The following WDFY2 variants were observed in gnomAD, a reference collection of about 807,000 sequenced individuals.
The protein encoded by WDFY2 is WD repeat and FYVE domain-containing protein 2.
Under a neutral mutation model 56.4 loss-of-function variants are expected in WDFY2, and 36 were observed. The ratio of observed to expected loss-of-function variants is 0.64; its 90% CI spans 0.49 to 0.84. WDFY2 has a LOEUF of 0.84. WDFY2 is among the 40% of genes least tolerant of loss of function. The pLI is 0.00. For missense variants in WDFY2, 444 were observed against 512.2 expected (o/e 0.87, Z 1.29); for synonymous variants, 176 against 183.7 (o/e 0.96, Z 0.34).
chr13:51,745,674 T>C (rs1173760290), intron 7 of WDFY2, among the ~76,000 whole-genome samples: 1 of 151,078 alleles, frequency 6.6e-6, no homozygotes, highest in East Asian at 1.9e-4. Flanking sequence ...TTTCTCAGTT[T>C]ATCTGACTGT....
chr13:51,623,532 T>TC (rs1954781628), intron 1 of WDFY2, among the ~76,000 whole-genome samples: 1 of 152,098 alleles, frequency 6.6e-6, no homozygotes, highest in Non-Finnish European at 1.5e-5. Context: ...AAAAAAAATC[T>TC]CCATTTTTTA....
chr13:51,724,928 A>T (rs1952572690), intron 5 of WDFY2, among the ~76,000 whole-genome samples: 2 of 152,110 alleles, frequency 1.3e-5, no homozygotes, highest in East Asian at 3.9e-4. Flanking sequence ...TTGCCTTCTG[A>T]CTCAACATGT....
intron 1 of WDFY2, among the ~76,000 whole-genome samples, chr13:51,643,801 T>C (rs933343212): frequency 6.6e-6 from 1 of 152,190 alleles, no homozygotes. Flanking sequence ...TTTCTTTTTT[T>C]CCCTGTATTT....
At chr13:51,615,393 T>G (rs1954592127) in intron 1 of WDFY2, among the ~76,000 whole-genome samples, 1 of 151,992 alleles carries the variant, frequency 6.6e-6, no homozygotes, top group South Asian at 2.1e-4. Flanking sequence ...ATTCCCAGAT[T>G]GGTAAATATT....
In WDFY2 at chr13:51,686,453, G is replaced by A. The variant is rs559358473; in HGVS notation, c.279+11210G>A. On this transcript the variant is annotated intron_variant, in intron 3 of 11. Transcript: ENST00000298125. Reference sequence around the variant, plus strand: ...TAATTTTATCTGAAGTTAAAGAGCAGTGTATTTTACACAATTATTTGCCAC... The same window carrying A: ...TAATTTTATCTGAAGTTAAAGAGCAATGTATTTTACACAATTATTTGCCAC... Among the ~76,000 whole-genome samples, 7 of 152,218 alleles carry A rather than the reference G, an allele frequency of 4.6e-5. No homozygotes were observed. The South Asian group carries it at 1.2e-3, about 27-fold the overall frequency.
chr13:51,676,370 A>G (rs76603855), intron 3 of WDFY2, among the ~76,000 whole-genome samples: 3,146 of 152,314 alleles, frequency 0.021, 50 homozygotes, highest in Non-Finnish European at 0.035. Flanking sequence ...CCGTGTCACC[A>G]CAATATGGCG....
At chr13:51,665,852 A>AC (rs547046688) in intron 2 of WDFY2, among the ~76,000 whole-genome samples, 23 of 152,262 alleles carry the variant, frequency 1.5e-4, no homozygotes, top group African/African-American at 4.8e-4. Flanking sequence ...GTATTTATAA[A>AC]TTTTTCCACA....
chr13:51,611,576 T>C (rs961489424), intron 1 of WDFY2, among the ~76,000 whole-genome samples: 3 of 152,234 alleles, frequency 2.0e-5, no homozygotes, highest in Non-Finnish European at 4.4e-5. Context: ...CACAACACTG[T>C]TGGTTATCTG....
chr13:51,732,060 C>T (rs1025815470), intron 6 of WDFY2, among the ~76,000 whole-genome samples: 1 of 152,140 alleles, frequency 6.6e-6, no homozygotes, highest in Non-Finnish European at 1.5e-5. Context: ...TATCATAGTT[C>T]TTTGCTATTT....
Position 51,719,305 on chromosome 13 carries a change from C to T in WDFY2, c.442C>T (p.Arg148Cys), listed in dbSNP as rs974772381. 1.5e-5 allele frequency: 24 copies of T among 1,612,954 alleles called. No individual in the cohort carries two copies. The highest frequency in any genetic ancestry group is 1.6e-4 in the Middle Eastern group (1 of 6,078). The change falls in exon 5 of 12, where the codon CGC (arginine) becomes TGC (cysteine). Residue 148 changes from arginine to cysteine, a missense_variant. By Grantham distance (180) the Arg-to-Cys change is radical. Coordinates refer to ENST00000298125, the MANE Select transcript of WDFY2 (RefSeq NM_052950.4). Reference protein sequence around the residue: ...FAWHCSESGQRLGGYRTSAVA... With the variant: ...FAWHCSESGQCLGGYRTSAVA... ...CTGGCACTGCTCTGAGAGTGGGCAGCGCCTGGGAGGTTATCGGACCAGTGC... is the reference window on the plus strand; with the variant it reads ...CTGGCACTGCTCTGAGAGTGGGCAGTGCCTGGGAGGTTATCGGACCAGTGC...
chr13:51,699,692 A>C (rs1951944571), intron 3 of WDFY2, among the ~76,000 whole-genome samples: 1 of 152,240 alleles, frequency 6.6e-6, no homozygotes, highest in East Asian at 1.9e-4. Context: ...CAATGCTGAT[A>C]AGATGTGGGA....
chr13:51,594,098 C>T (rs987316417), intron 1 of WDFY2: 2 of 152,182 alleles, frequency 1.3e-5, no homozygotes, highest in Non-Finnish European at 2.9e-5. Flanking sequence ...TGGTGTCTAA[C>T]TTAGTGTGGA....
chr13:51,601,777 C>T (rs1954288317), intron 1 of WDFY2, among the ~76,000 whole-genome samples: 1 of 152,168 alleles, frequency 6.6e-6, no homozygotes, highest in Non-Finnish European at 1.5e-5. Flanking sequence ...GCCCCTTCTA[C>T]TCCACCTCAC....
At chr13:51,618,170 A>G (rs545502658) in intron 1 of WDFY2, among the ~76,000 whole-genome samples, 1 of 152,204 alleles carries the variant, frequency 6.6e-6, no homozygotes, top group African/African-American at 2.4e-5. Context: ...TGGCAGCACT[A>G]CCTGAAGCAT....
In WDFY2 at chr13:51,703,637, GA is replaced by G. The variant is rs769438402; in HGVS notation, c.326del (p.Asn109ThrfsTer9). On this transcript the variant is annotated frameshift_variant, in exon 4 of 12. Transcript: ENST00000298125. LOFTEE classifies it high-confidence loss of function. ...SEDYNKMTPV[K>X]NYQAHQSRVT... ...AAGATTATAACAAGATGACTCCTGT[GA>G]AAAACTATCAAGGTAGGGAGTGAGA... 1 of 1,609,684 alleles carries G rather than the reference GA, an allele frequency of 6.2e-7. No homozygotes were observed. The highest frequency in any genetic ancestry group is 8.5e-7 in the Non-Finnish European group (1 of 1,177,882).
chr13:51,627,655 A>T (rs1954862997), intron 1 of WDFY2, among the ~76,000 whole-genome samples: 1 of 152,006 alleles, frequency 6.6e-6, no homozygotes. Context: ...AAGTGCTGGG[A>T]TTACAGGTGT....
intron 6 of WDFY2, 118 bp from the exon 7 acceptor site, chr13:51,738,931 A>G: frequency 3.2e-6 from 4 of 1,245,654 alleles, no homozygotes; most frequent in Middle Eastern, 2.1e-4. Context: ...TGTTCTTTCA[A>G]TAAGAATTTA....
chr13:51,753,865 A>G (rs1953295913), intron 8 of WDFY2, among the ~76,000 whole-genome samples: 2 of 151,828 alleles, frequency 1.3e-5, no homozygotes, highest in South Asian at 4.2e-4. Flanking sequence ...CAGGTGGATC[A>G]CTTGAGGTCA....
intron 4 of WDFY2, among the ~76,000 whole-genome samples, chr13:51,711,175 A>G (rs1952206488): frequency 6.6e-6 from 1 of 152,230 alleles, no homozygotes; most frequent in African/African-American, 2.4e-5. Flanking sequence ...CCTGACAAAA[A>G]CAAGAAATGG....
Sources: gnomAD v4.1 joint callset for allele counts (sites outside exome capture counted in the v4.1 genomes callset) on GRCh38, gnomAD v4.1.1 for gene constraint, MANE v1.5 for transcripts, NCBI Gene and HGNC (gene_info 2026-07-23, HGNC 2026-07-21) for gene names.